ERBB4: variants seen among roughly 807,000 people sequenced by gnomAD.
ERBB4 encodes erb-b2 receptor tyrosine kinase 4.
In ERBB4, 42 loss-of-function variants were observed where a neutral mutation model predicts 158.0. The observed-to-expected ratio is 0.27, with a 90% confidence interval of 0.21 to 0.34. The LOEUF (loss-of-function observed/expected upper bound fraction) is 0.34, where lower values mean the gene tolerates loss of function less well. ERBB4 is among the 10% of genes least tolerant of loss of function. ERBB4 has a pLI of 1.00. For synonymous variants in ERBB4, 583 were observed against 558.7 expected (o/e 1.04, Z -0.61); for missense variants, 1,333 against 1,624.1 (o/e 0.82, Z 3.08).
intron 20 of ERBB4, among the ~76,000 whole-genome samples, chr2:211,511,238 T>C (rs6743937): frequency 0.53 from 80,256 of 151,752 alleles, 21,521 homozygotes; most frequent in Middle Eastern, 0.58. Flanking sequence ...CCTTCTTATA[T>C]ATTCAATATT....
At chr2:211,906,334 A>G (rs1190762089) in intron 3 of ERBB4, among the ~76,000 whole-genome samples, 2 of 152,114 alleles carry the variant, frequency 1.3e-5, no homozygotes, top group African/African-American at 4.8e-5. Flanking sequence ...ATAATTCTAG[A>G]CGACCTGAAG....
intron 20 of ERBB4, among the ~76,000 whole-genome samples, chr2:211,468,001 C>T (rs1470526583): frequency 6.6e-6 from 1 of 152,088 alleles, no homozygotes; most frequent in Non-Finnish European, 1.5e-5. Flanking sequence ...TGGCTGTTGA[C>T]AGGGCCAGAA....
chr2:212,038,153 A>G (rs1169740298), intron 2 of ERBB4, among the ~76,000 whole-genome samples: 1 of 152,110 alleles, frequency 6.6e-6, no homozygotes, highest in Non-Finnish European at 1.5e-5. Flanking sequence ...CTTCCTGCCT[A>G]TAGGAGGTAG....
intron 1 of ERBB4, among the ~76,000 whole-genome samples, chr2:212,208,356 T>G (rs2082829057): frequency 6.6e-6 from 1 of 152,162 alleles, no homozygotes; most frequent in African/African-American, 2.4e-5. Context: ...CTTTTCTCAT[T>G]ATTTGTTCTT....
intron 3 of ERBB4, among the ~76,000 whole-genome samples, chr2:211,829,276 T>C (rs907164045): frequency 3.3e-5 from 5 of 152,040 alleles, no homozygotes; most frequent in Admixed American, 6.6e-5. Flanking sequence ...ATATATAACA[T>C]ACACACACAC....
intron 13 of ERBB4, among the ~76,000 whole-genome samples, chr2:211,677,089 A>G (rs2072105225): frequency 1.3e-5 from 2 of 152,100 alleles, no homozygotes; most frequent in Admixed American, 1.3e-4. Context: ...TATTTTATGG[A>G]TGGAATTGGT....
In ERBB4 at chr2:211,522,050, C is replaced by T. The variant is rs142015814; in HGVS notation, c.2487+39853G>A. 8.5e-4 allele frequency among the ~76,000 whole-genome samples: 129 copies of T among 152,174 alleles called. 1 individual carries two copies. In the East Asian group the frequency reaches 0.022, roughly 26 times the overall value. On this transcript the variant is annotated intron_variant, in intron 20 of 27. Coordinates refer to ENST00000342788, the MANE Select transcript of ERBB4 (RefSeq NM_005235.3). ...AACATCCATTATCTAGCCCATAGAT[C>T]GAGGAGTAATTTGACTTTCAAGTCT...
intron 4 of ERBB4, among the ~76,000 whole-genome samples, chr2:211,773,840 G>A (rs368748436): frequency 6.6e-5 from 10 of 151,104 alleles, no homozygotes; most frequent in African/African-American, 1.2e-4. Flanking sequence ...TTCAGATCAC[G>A]TAGGACATTA....
chr2:212,538,489 G>C lies in ERBB4; in HGVS notation c.42C>G (p.Leu14=). The C allele has an allele frequency of 1.9e-6, 3 of 1,614,088 alleles. No homozygotes were observed. The highest frequency in any genetic ancestry group is 2.2e-5 in the East Asian group (1 of 44,856). ...TGGGCTGGACGGTCCCCGCCGCCAC[G>C]AGAAGGCTCACCCAGACCCAAAGTC... ...ATGLWVWVSL[L]VAAGTVQPSD... The change falls in exon 1 of 28, where the codon CTC becomes CTG. Residue 14 remains leucine, a synonymous_variant. Coordinates refer to ENST00000342788, the MANE Select transcript of ERBB4 (RefSeq NM_005235.3).
chr2:211,705,206 C>A, intron 10 of ERBB4, 112 bp downstream of exon 10: 1 of 780,578 alleles, frequency 1.3e-6, no homozygotes, highest in South Asian at 1.4e-5. Flanking sequence ...CCCGCCTCAA[C>A]CTCCCTAAGT....
intron 3 of ERBB4, among the ~76,000 whole-genome samples, chr2:211,856,452 C>T (rs749442329): frequency 4.0e-5 from 6 of 151,848 alleles, no homozygotes; most frequent in Non-Finnish European, 8.8e-5. Context: ...GTGGCACAAT[C>T]TCGGCTCACT....
At chr2:212,296,003 G>T (rs2086396794) in intron 1 of ERBB4, among the ~76,000 whole-genome samples, 1 of 151,806 alleles carries the variant, frequency 6.6e-6, no homozygotes, top group Non-Finnish European at 1.5e-5. Flanking sequence ...GTTTTTTGAG[G>T]TTATCTCAAT....
intron 19 of ERBB4, among the ~76,000 whole-genome samples, chr2:211,590,358 A>C (rs2068424174): frequency 6.6e-6 from 1 of 152,214 alleles, no homozygotes; most frequent in Non-Finnish European, 1.5e-5. Context: ...CATTAGCCAT[A>C]AGATTAGAAA....
chr2:212,339,788 T>TG (rs1560059179), intron 1 of ERBB4, among the ~76,000 whole-genome samples: 1 of 152,160 alleles, frequency 6.6e-6, no homozygotes, highest in African/African-American at 2.4e-5. Context: ...ATTAAAAATA[T>TG]GCTTTTTTAA....
At chr2:211,971,022 C>T (rs998267821) in intron 2 of ERBB4, among the ~76,000 whole-genome samples, 4 of 152,122 alleles carry the variant, frequency 2.6e-5, no homozygotes, top group African/African-American at 7.2e-5. Flanking sequence ...ACAACCTTTC[C>T]TTTTCATATT....
At chr2:211,945,045 C>T (rs1340501231) in intron 3 of ERBB4, among the ~76,000 whole-genome samples, 4 of 152,068 alleles carry the variant, frequency 2.6e-5, no homozygotes, top group Non-Finnish European at 5.9e-5. Context: ...CTTTGTATAA[C>T]ACAAAAGCAA....
At position 212,213,990 on chromosome 2, in the gene ERBB4, C is replaced by T. The variant is rs376097175; in HGVS notation, c.83-89087G>A. On this transcript the variant is annotated intron_variant, in intron 1 of 27. Transcript: ENST00000342788. ...GAGGATTTTCCTTAAATCACCAAGC[C>T]GTGCAAGGACAGTGCTAGGACTACA... Among the ~76,000 whole-genome samples, 26 of 151,896 alleles carry T rather than the reference C, an allele frequency of 1.7e-4. 1 individual carries two copies. The East Asian group carries it at 3.5e-3, about 20-fold the overall frequency.
chr2:211,903,825 T>G (rs534775359), intron 3 of ERBB4, among the ~76,000 whole-genome samples: 1 of 151,912 alleles, frequency 6.6e-6, no homozygotes, highest in South Asian at 2.1e-4. Context: ...GCTCACCTTC[T>G]TGGTTGCAAG....
chr2:212,504,006 T>C (rs191609561), intron 1 of ERBB4, among the ~76,000 whole-genome samples: 1 of 152,226 alleles, frequency 6.6e-6, no homozygotes, highest in Admixed American at 6.5e-5. Context: ...CTTGAAAATG[T>C]CCATCTATTT....
Sources: gnomAD v4.1 joint callset for allele counts (sites outside exome capture counted in the v4.1 genomes callset) on GRCh38, gnomAD v4.1.1 for gene constraint, MANE v1.5 for transcripts, NCBI Gene and HGNC (gene_info 2026-07-23, HGNC 2026-07-21) for gene names.